Variants in DAG1 observed in about 807,000 individuals in gnomAD.
The protein encoded by DAG1 is dystroglycan 1 (dystrophin-associated glycoprotein 1).
A neutral mutation model predicts 46.1 loss-of-function variants in DAG1; 8 were observed. The observed-to-expected ratio is 0.17, with a 90% confidence interval of 0.10 to 0.31. DAG1 has a LOEUF of 0.31. Ranked by LOEUF, DAG1 falls within the 10% of genes least tolerant of loss-of-function variation. DAG1 has a pLI of 1.00. For synonymous variants in DAG1, 495 were observed against 481.8 expected, an observed-to-expected ratio of 1.03 and a Z score of -0.36; for missense variants, 1,003 against 1,189.9, an observed-to-expected ratio of 0.84 and a Z score of 2.31.
At chr3:49,487,961 C>T (rs2050083427) in intron 1 of DAG1, among the ~76,000 whole-genome samples, 1 of 152,060 alleles carries the variant, frequency 6.6e-6, no homozygotes, top group Admixed American at 6.6e-5. Flanking sequence ...CTCGGCTTCC[C>T]AAAGTGCTGG....
chr3:49,475,189 C>T (rs1282225603), intron 1 of DAG1, among the ~76,000 whole-genome samples: 2 of 151,432 alleles, frequency 1.3e-5, no homozygotes, highest in Non-Finnish European at 2.9e-5. Context: ...ACTGCAACCT[C>T]CACCTCCTGG....
intron 1 of DAG1, among the ~76,000 whole-genome samples, chr3:49,478,545 T>A (rs1467123650): frequency 5.9e-4 from 87 of 147,356 alleles, no homozygotes; most frequent in South Asian, 6.4e-4. Context: ...TTTTTTTTTT[T>A]TTTTTTAAAT....
At chr3:49,497,090 G>A (rs1379225559) in intron 1 of DAG1, among the ~76,000 whole-genome samples, 1 of 151,550 alleles carries the variant, frequency 6.6e-6, no homozygotes, top group East Asian at 2.0e-4. Flanking sequence ...GTTTGAACCA[G>A]GAGTTTGAGA....
intron 1 of DAG1, among the ~76,000 whole-genome samples, chr3:49,473,876 G>T (rs528345903): frequency 6.9e-6 from 1 of 144,258 alleles, no homozygotes; most frequent in South Asian, 2.2e-4. Context: ...GAGCCACTGC[G>T]CCTGGCCTTT....
intron 1 of DAG1, among the ~76,000 whole-genome samples, chr3:49,472,614 T>C (rs2106742769): frequency 6.6e-6 from 1 of 152,220 alleles, no homozygotes; most frequent in Middle Eastern, 3.4e-3. Context: ...GAGATCATCC[T>C]GGCTAACACG....
At chr3:49,471,964 TG>T (rs1355666396) in intron 1 of DAG1, among the ~76,000 whole-genome samples, 2 of 151,878 alleles carry the variant, frequency 1.3e-5, no homozygotes, top group Non-Finnish European at 2.9e-5. Flanking sequence ...CAGGAATTAG[TG>T]GGGGACATCA....
upstream of DAG1, among the ~76,000 whole-genome samples, chr3:49,469,539 G>A (rs1357382485): frequency 6.6e-6 from 1 of 152,164 alleles, no homozygotes; most frequent in African/African-American, 2.4e-5. Context: ...GCGAGTTAGA[G>A]CTATTTTGGG....
In DAG1 at chr3:49,532,997, C is replaced by T. The variant is rs781644679; in HGVS notation, c.2486C>T (p.Pro829Leu). ...LQEEKAPLPP[P>L]EYPNQSVPET... is the part of the protein sequence containing the mutation. Reference sequence around the variant, plus strand: ...GAGGAGAAGGCTCCCCTACCCCCTCCTGAGTACCCCAACCAGAGTGTGCCC... The same window carrying T: ...GAGGAGAAGGCTCCCCTACCCCCTCTTGAGTACCCCAACCAGAGTGTGCCC... Residue 829 changes from proline to leucine, a missense_variant, in exon 3 of 3, where the codon CCT becomes CTT. Physicochemically the swap from Pro to Leu is moderately conservative, Grantham distance 98. Coordinates refer to ENST00000308775, the MANE Select transcript of DAG1 (RefSeq NM_004393.6). The surrounding 1 kb of genome is among the most constrained non-coding windows in gnomAD (Gnocchi z 5.4). The T allele has an allele frequency of 1.3e-5, 21 of 1,614,164 alleles. No homozygotes were observed. Among genetic ancestry groups the T allele is most frequent in the Non-Finnish European group, 1.8e-5 (21 of 1,180,034 alleles).
chr3:49,514,807 G>A (rs1032919979), intron 2 of DAG1, among the ~76,000 whole-genome samples: 2 of 64,724 alleles, frequency 3.1e-5, no homozygotes, highest in Non-Finnish European at 6.4e-5. Flanking sequence ...CCTGGCATAT[G>A]TGTGTGTGTG....
chr3:49,507,611 ATTTTTCTTTTCTTT>A (rs1349675773), intron 1 of DAG1, among the ~76,000 whole-genome samples: 2 of 151,236 alleles, frequency 1.3e-5, no homozygotes, highest in Non-Finnish European at 3.0e-5. Flanking sequence ...TTTCCTTAAT[ATTTTTCTTTTCTTT>A]TTTTTCTTTT....
At chr3:49,487,510 C>T (rs1416438970) in intron 1 of DAG1, 1 of 152,140 alleles carries the variant, frequency 6.6e-6, no homozygotes, top group East Asian at 1.9e-4. Context: ...TCTAGCTTCC[C>T]TCTTCTGCCC....
rs921991704 is a variant in DAG1, at chr3:49,526,278, A to C, written c.286-4519A>C. 5.9e-5 allele frequency among the ~76,000 whole-genome samples: 9 copies of C among 152,316 alleles called. No homozygotes were observed. The East Asian group carries it at 1.7e-3, about 29-fold the overall frequency. On this transcript the variant is annotated intron_variant, in intron 2 of 2. Transcript: ENST00000308775. Reference sequence around the variant, plus strand: ...TCCCCTCCCCCAGACCCCACCTCCAACACTAGGGATAATAATTTGACATGA... The same window carrying C: ...TCCCCTCCCCCAGACCCCACCTCCACCACTAGGGATAATAATTTGACATGA...
At chr3:49,494,546 G>T (rs774898973) in intron 1 of DAG1, among the ~76,000 whole-genome samples, 1 of 152,100 alleles carries the variant, frequency 6.6e-6, no homozygotes, top group Non-Finnish European at 1.5e-5. Flanking sequence ...CTTTCGTAGT[G>T]TAATGGAAAA....
chr3:49,500,166 C>T (rs1418126050), intron 1 of DAG1, among the ~76,000 whole-genome samples: 1 of 151,850 alleles, frequency 6.6e-6, no homozygotes, highest in African/African-American at 2.4e-5. Context: ...GTGTCCGCCA[C>T]CATGCCCGAC....
chr3:49,487,692 C>CTTTTTTTTTTTTTTTTTTTTTT (rs10686005), intron 1 of DAG1, among the ~76,000 whole-genome samples: 5 of 105,720 alleles, frequency 4.7e-5, no homozygotes, highest in African/African-American at 1.1e-4. Context: ...CCCATACATT[C>CTTTTTTTTTTTTTTTTTTTTTT]TTTTTTTTTT....
intron 1 of DAG1, among the ~76,000 whole-genome samples, chr3:49,481,145 T>G (rs2049869443): frequency 6.7e-6 from 1 of 148,576 alleles, no homozygotes; most frequent in South Asian, 2.2e-4. Context: ...ATCCCAGCAC[T>G]TTGGGAGGCT....
chr3:49,509,419 A>T (rs1380441010), intron 1 of DAG1, among the ~76,000 whole-genome samples: 1 of 151,908 alleles, frequency 6.6e-6, no homozygotes, highest in African/African-American at 2.4e-5. Context: ...CTCTGTCCCC[A>T]CTCCCCTACC....
At chr3:49,500,303 C>T (rs1456560649) in intron 1 of DAG1, among the ~76,000 whole-genome samples, 1 of 152,218 alleles carries the variant, frequency 6.6e-6, no homozygotes, top group Non-Finnish European at 1.5e-5. Flanking sequence ...AGCCACTGCA[C>T]CTACCTGGCC....
rs778665335 is a variant in DAG1 at position 49,533,022 on chromosome 3, C to T, written c.2511C>T (p.Pro837=). ...PPPEYPNQSV[P]ETTPLNQDTM... ...CTGAGTACCCCAACCAGAGTGTGCCCGAGACCACTCCTCTGAACCAGGACA... is the reference window on the plus strand; with the variant it reads ...CTGAGTACCCCAACCAGAGTGTGCCTGAGACCACTCCTCTGAACCAGGACA... Residue 837 remains proline, a synonymous_variant, in exon 3 of 3, where the codon CCC becomes CCT. Coordinates refer to ENST00000308775, the MANE Select transcript of DAG1 (RefSeq NM_004393.6). 21 of 1,614,112 alleles carry T rather than the reference C, an allele frequency of 1.3e-5. No individual in the cohort carries two copies. The highest frequency in any genetic ancestry group is 3.3e-5 in the Admixed American group (2 of 60,020).
Sources: allele counts gnomAD v4.1 joint callset (sites outside exome capture counted in the v4.1 genomes callset), GRCh38; gene constraint gnomAD v4.1.1; non-coding constraint Gnocchi (gnomAD v3.1); transcripts MANE v1.5; gene names NCBI Gene and HGNC (gene_info 2026-07-23, HGNC 2026-07-21).